RSRC1: variants seen among roughly 807,000 people sequenced by gnomAD.
The protein encoded by RSRC1 is arginine and serine rich coiled-coil 1.
In RSRC1, 39 loss-of-function variants were observed where a neutral mutation model predicts 49.1. The observed-to-expected ratio is 0.79, with a 90% CI of 0.61 to 1.04. The LOEUF (loss-of-function observed/expected upper bound fraction) is 1.04, where lower values mean the gene tolerates loss of function less well. Ranked by LOEUF, RSRC1 falls within the 50% of genes least tolerant of loss-of-function variation. The pLI is 0.00. For synonymous variants in RSRC1, 143 were observed against 130.8 expected (o/e 1.09, Z -0.63); for missense variants, 388 against 402.4 (o/e 0.96, Z 0.31).
chr3:158,306,491 G>A (rs1385476586), intron 5 of RSRC1, among the ~76,000 whole-genome samples: 1 of 151,782 alleles, frequency 6.6e-6, no homozygotes, highest in Non-Finnish European at 1.5e-5. Flanking sequence ...TGTCTTTTAT[G>A]GAGTCAGCAC....
At chr3:158,428,802 C>T (rs998891739) in intron 6 of RSRC1, among the ~76,000 whole-genome samples, 1 of 151,728 alleles carries the variant, frequency 6.6e-6, no homozygotes, top group African/African-American at 2.4e-5. Flanking sequence ...CAGTTTTTTT[C>T]CACATGGAAT....
chr3:158,127,919 TATC>T (rs1225968263), intron 3 of RSRC1, among the ~76,000 whole-genome samples: 1 of 152,136 alleles, frequency 6.6e-6, no homozygotes, highest in Non-Finnish European at 1.5e-5. Context: ...AGGTGAGAGA[TATC>T]ATTCCCTCTG....
intron 3 of RSRC1, among the ~76,000 whole-genome samples, chr3:158,170,201 C>T (rs1000569128): frequency 6.6e-6 from 1 of 151,688 alleles, no homozygotes; most frequent in African/African-American, 2.4e-5. Flanking sequence ...GACCTTGCTT[C>T]TTTTGAGGCA....
rs563155698 is a variant in RSRC1 at position 158,242,089 on chromosome 3, C to A, written c.494+38844C>A. 3.5e-5 allele frequency among the ~76,000 whole-genome samples: 4 copies of A among 113,038 alleles called. No individual in the cohort carries two copies. In the East Asian group the frequency reaches 1.2e-3, roughly 34 times the overall value. The allele number at this position is 113,038 out of a possible 152,430, so 74.2% of individuals were successfully genotyped here. Reference sequence around the variant, plus strand: ...AGGGGTACATATGCGGAATGTGCAGCTTCATTACATAGTTAAGTGTGTGCC... The same window carrying A: ...AGGGGTACATATGCGGAATGTGCAGATTCATTACATAGTTAAGTGTGTGCC... On this transcript the variant is annotated intron_variant, in intron 4 of 9. Coordinates refer to ENST00000611884, the MANE Select transcript of RSRC1 (RefSeq NM_001271838.2).
At chr3:158,341,812 G>C (rs753201490) in intron 5 of RSRC1, among the ~76,000 whole-genome samples, 1 of 152,186 alleles carries the variant, frequency 6.6e-6, no homozygotes, top group Non-Finnish European at 1.5e-5. Flanking sequence ...CATGAAAGCA[G>C]CCGGGAGGGA....
At chr3:158,124,226 G>A (rs1004436967) in intron 3 of RSRC1, among the ~76,000 whole-genome samples, 19 of 152,106 alleles carry the variant, frequency 1.2e-4, no homozygotes, top group Non-Finnish European at 2.4e-4. Context: ...GCTATTGGCC[G>A]GGGTGTACGT....
At chr3:158,423,203 G>T (rs1479749835) in intron 6 of RSRC1, among the ~76,000 whole-genome samples, 3 of 152,196 alleles carry the variant, frequency 2.0e-5, no homozygotes, top group African/African-American at 7.2e-5. Context: ...GGTTTTTATG[G>T]TTTTAGGTCT....
chr3:158,307,882 G>A (rs1271737295), intron 5 of RSRC1, among the ~76,000 whole-genome samples: 1 of 151,760 alleles, frequency 6.6e-6, no homozygotes, highest in Non-Finnish European at 1.5e-5. Flanking sequence ...TTTTGTTTTA[G>A]TAGAATCTTT....
chr3:158,169,710 A>G (rs1257760995), intron 3 of RSRC1, among the ~76,000 whole-genome samples: 1 of 152,146 alleles, frequency 6.6e-6, no homozygotes, highest in Non-Finnish European at 1.5e-5. Context: ...TGAATGGGAT[A>G]GGTTACTCAT....
intron 7 of RSRC1, among the ~76,000 whole-genome samples, chr3:158,518,109 T>C (rs1740678317): frequency 1.2e-5 from 1 of 84,000 alleles, no homozygotes; most frequent in Non-Finnish European, 2.2e-5. Flanking sequence ...TGTGTGTGTG[T>C]GTGTGTGTGT....
chr3:158,198,214 C>T (rs1275426969), intron 3 of RSRC1, among the ~76,000 whole-genome samples: 2 of 152,114 alleles, frequency 1.3e-5, no homozygotes, highest in African/African-American at 4.8e-5. Context: ...GTTAGCTCTT[C>T]TTGTTGAATT....
chr3:158,497,372 A>G (rs554977871), intron 7 of RSRC1, among the ~76,000 whole-genome samples: 5 of 151,446 alleles, frequency 3.3e-5, no homozygotes, highest in Non-Finnish European at 7.4e-5. Flanking sequence ...ACACTGCACC[A>G]CATTTGTAGT....
chr3:158,119,696 A>G (rs773616894), intron 1 of RSRC1, among the ~76,000 whole-genome samples: 1 of 137,058 alleles, frequency 7.3e-6, no homozygotes, highest in Non-Finnish European at 1.6e-5. Context: ...TATTTTATGT[A>G]TAAATGGATA....
rs1229779647 is a variant in RSRC1 at position 158,158,900 on chromosome 3, C to T, written c.320+34909C>T. Among the ~76,000 whole-genome samples the T allele has an allele frequency of 2.7e-5, 4 of 149,316 alleles. No individual in the cohort carries two copies. The East Asian group carries it at 7.9e-4, about 29-fold the overall frequency. Reference sequence around the variant, plus strand: ...GTTGCAGTAAGCCGTGATCGTACCACTGCACTCCAGCCTTGGCAACAGAGT... The same window carrying T: ...GTTGCAGTAAGCCGTGATCGTACCATTGCACTCCAGCCTTGGCAACAGAGT... On this transcript the variant is annotated intron_variant, in intron 3 of 9. Coordinates refer to ENST00000611884, the MANE Select transcript of RSRC1 (RefSeq NM_001271838.2).
At chr3:158,145,807 T>C (rs189830466) in intron 3 of RSRC1, among the ~76,000 whole-genome samples, 2 of 152,356 alleles carry the variant, frequency 1.3e-5, no homozygotes, top group East Asian at 1.9e-4. Flanking sequence ...TTTTATTTCG[T>C]TGAGCAGTGA....
intron 6 of RSRC1, among the ~76,000 whole-genome samples, chr3:158,376,333 TA>T: frequency 6.6e-6 from 1 of 151,658 alleles, no homozygotes; most frequent in Non-Finnish European, 1.5e-5. Context: ...CTAATTTTTG[TA>T]AATTTTTTGT....
At chr3:158,492,893 A>G (rs967787358) in intron 7 of RSRC1, among the ~76,000 whole-genome samples, 1 of 152,160 alleles carries the variant, frequency 6.6e-6, no homozygotes, top group East Asian at 1.9e-4. Flanking sequence ...GCCAGAAGAA[A>G]TGTAGTGAAG....
At chr3:158,440,183 T>G (rs866206133) in intron 6 of RSRC1, among the ~76,000 whole-genome samples, 9 of 121,228 alleles carry the variant, frequency 7.4e-5, no homozygotes, top group Admixed American at 1.8e-4. Context: ...TGTAGCAAGT[T>G]GGAAAAAGTT....
At chr3:158,513,429 T>C (rs200290953) in intron 7 of RSRC1, among the ~76,000 whole-genome samples, 78,555 of 151,954 alleles carry the variant, frequency 0.52, 20,772 homozygotes, top group African/African-American at 0.62. Flanking sequence ...TATTGATTTG[T>C]ATATATTGAA....
Sources: allele counts gnomAD v4.1 joint callset (sites outside exome capture counted in the v4.1 genomes callset), GRCh38; gene constraint gnomAD v4.1.1; transcripts MANE v1.5; gene names NCBI Gene and HGNC (gene_info 2026-07-23, HGNC 2026-07-21).